LOC128125814: variants seen among roughly 807,000 people sequenced by gnomAD.
chr12:57,520,021 G>A, the LOC128125814 span, among the ~76,000 whole-genome samples: 2 of 152,262 alleles, frequency 1.3e-5, no homozygotes, highest in African/African-American at 4.8e-5. Flanking sequence ...GTAGGGAGAA[G>A]GCCCGCTGGT....
chr12:57,518,417 A>G, the LOC128125814 span, among the ~76,000 whole-genome samples: 1 of 152,222 alleles, frequency 6.6e-6, no homozygotes, highest in Non-Finnish European at 1.5e-5. Context: ...CTCCAAATGT[A>G]CATTTCCAGT....
At chr12:57,520,314 C>A in the LOC128125814 span, 1 of 397,810 alleles carries the variant, frequency 2.5e-6, no homozygotes, top group Non-Finnish European at 4.4e-6. Flanking sequence ...CTCTCTCGGA[C>A]GGTCCCTAAC....
At chr12:57,519,037 A>G in the LOC128125814 span, 5 of 520,358 alleles carry the variant, frequency 9.6e-6, no homozygotes, top group Admixed American at 2.0e-5. Flanking sequence ...CATTGTTTCC[A>G]ATCTAGATCA....
chr12:57,518,728 G>A, the LOC128125814 span, among the ~76,000 whole-genome samples: 40 of 152,242 alleles, frequency 2.6e-4, no homozygotes, highest in South Asian at 1.2e-3. Context: ...TGGCGCAATC[G>A]GCTCACTGCA....
the LOC128125814 span, chr12:57,519,374 C>G: frequency 2.7e-6 from 1 of 369,628 alleles, no homozygotes; most frequent in South Asian, 2.0e-5. Flanking sequence ...GTAGGCCTCC[C>G]ACTGAGATGA....
At chr12:57,518,350 C>T in the LOC128125814 span, among the ~76,000 whole-genome samples, 1 of 152,204 alleles carries the variant, frequency 6.6e-6, no homozygotes, top group Non-Finnish European at 1.5e-5. Context: ...AACTAAACTA[C>T]AGGGAAGGGA....
chr12:57,518,107 C>CTAG, the LOC128125814 span, among the ~76,000 whole-genome samples: 1 of 151,856 alleles, frequency 6.6e-6, no homozygotes, highest in African/African-American at 2.4e-5. Context: ...CATGAGCTAC[C>CTAG]GTGCTGGGCC....
the LOC128125814 span, among the ~76,000 whole-genome samples, chr12:57,518,207 G>A: frequency 1.9e-4 from 29 of 152,062 alleles, no homozygotes; most frequent in African/African-American, 5.8e-4. Flanking sequence ...TAGCCATTTC[G>A]AAGGGCAGAA....
the LOC128125814 span, chr12:57,519,050 T>G: frequency 1.9e-6 from 1 of 524,990 alleles, no homozygotes; most frequent in Admixed American, 1.9e-5. Flanking sequence ...CTAGATCAAT[T>G]CACTACCATC....
chr12:57,519,916 G>T, the LOC128125814 span, among the ~76,000 whole-genome samples: 2 of 152,214 alleles, frequency 1.3e-5, no homozygotes, highest in Non-Finnish European at 2.9e-5. Context: ...TCTCCTCAAG[G>T]TTCCCCTATC....
chr12:57,519,030 T>C, the LOC128125814 span: 1 of 517,776 alleles, frequency 1.9e-6, no homozygotes, highest in East Asian at 5.5e-5. Context: ...CTAATTCCAT[T>C]GTTTCCAATC....
the LOC128125814 span, among the ~76,000 whole-genome samples, chr12:57,518,939 T>A: frequency 6.6e-6 from 1 of 152,282 alleles, no homozygotes; most frequent in Admixed American, 6.5e-5. Context: ...GGATTACAGG[T>A]GTGAGCCACC....
the LOC128125814 span, chr12:57,517,732 A>C: frequency 3.8e-6 from 2 of 521,438 alleles, no homozygotes; most frequent in Non-Finnish European, 6.8e-6. Context: ...TGATGTATGA[A>C]GATACACTTC....
chr12:57,517,952 G>A, the LOC128125814 span, among the ~76,000 whole-genome samples: 31 of 151,596 alleles, frequency 2.0e-4, no homozygotes, highest in Non-Finnish European at 3.1e-4. Flanking sequence ...TCGGCCTCCC[G>A]AGTAGCTGGG....
the LOC128125814 span, chr12:57,517,793 G>A: frequency 4.7e-6 from 2 of 429,088 alleles, no homozygotes; most frequent in Non-Finnish European, 4.1e-6. Flanking sequence ...TTTTTGGAAG[G>A]GGGAGAGGCA....
the LOC128125814 span, among the ~76,000 whole-genome samples, chr12:57,517,943 C>G: frequency 3.2e-4 from 48 of 151,966 alleles, 1 homozygote; most frequent in South Asian, 1.7e-3. Context: ...TCTTCTGCCT[C>G]GGCCTCCCGA....
chr12:57,520,306 C>T, the LOC128125814 span: 1 of 397,560 alleles, frequency 2.5e-6, no homozygotes, highest in Admixed American at 4.4e-5. Context: ...CCCCATTCCT[C>T]TCTCGGACGG....
chr12:57,517,754 CTG>C, the LOC128125814 span: 1 of 448,656 alleles, frequency 2.2e-6, no homozygotes, highest in Admixed American at 3.8e-5. Flanking sequence ...TTCTTGAACA[CTG>C]TGGGCAACAA....
chr12:57,519,314 A>G, the LOC128125814 span: 5 of 443,984 alleles, frequency 1.1e-5, no homozygotes, highest in Admixed American at 7.8e-5. Flanking sequence ...AACATTCTCC[A>G]TTCCTTTCTC....
Sources: gnomAD v4.1 joint callset for allele counts (sites outside exome capture counted in the v4.1 genomes callset) on GRCh38, gnomAD v4.1.1 for gene constraint, MANE v1.5 for transcripts.